MGMT: variants seen among roughly 807,000 people sequenced by gnomAD.
MGMT encodes the protein O-6-methylguanine-DNA methyltransferase, also known as methylated-DNA--protein-cysteine methyltransferase.
In MGMT, 14 loss-of-function variants were observed where a neutral mutation model predicts 15.9. The ratio of observed to expected loss-of-function variants is 0.88; its 90% CI spans 0.58 to 1.37. The LOEUF is 1.37. Ranked by LOEUF, MGMT falls within the 40% of genes most tolerant of loss-of-function variation. MGMT has a pLI of 0.00. For synonymous variants in MGMT, 130 were observed against 118.2 expected (o/e 1.10, Z -0.65); for missense variants, 282 against 268.1 (o/e 1.05, Z -0.36).
intron 2 of MGMT, among the ~76,000 whole-genome samples, chr10:129,704,869 G>A (rs1282612120): frequency 1.3e-5 from 2 of 152,256 alleles, no homozygotes; most frequent in East Asian, 3.9e-4. Context: ...GCACAGGACA[G>A]CGTGTGAGAC....
chr10:129,512,157 G>A (rs993098752), intron 1 of MGMT, among the ~76,000 whole-genome samples: 2 of 152,164 alleles, frequency 1.3e-5, no homozygotes, highest in African/African-American at 4.8e-5. Flanking sequence ...GGGTAGAGGC[G>A]GCGAGGTGTT....
In MGMT at chr10:129,536,357, C is replaced by T; in HGVS notation, c.105C>T (p.Gly35=). 6.2e-7 allele frequency: 1 copy of T among 1,613,536 alleles called. No homozygotes were observed. Among genetic ancestry groups the T allele is most frequent in the East Asian group, 2.2e-5 (1 of 44,872 alleles). The part of the protein sequence containing the change: ...EQGLHEIKLL[G]KGTSAADAVE... ...GTCTGCACGAAATAAAGCTCCTGGG[C>T]AAGGGGACGTCTGCAGCTGAGTAAG... The change falls in exon 2 of 5, where the codon GGC becomes GGT. Residue 35 remains glycine (G), a synonymous_variant. Transcript: ENST00000651593.
intron 1 of MGMT, among the ~76,000 whole-genome samples, chr10:129,526,516 C>T (rs1210371808): frequency 6.6e-6 from 1 of 152,138 alleles, no homozygotes; most frequent in African/African-American, 2.4e-5. Context: ...TGATTTCTCC[C>T]TTTTAACATG....
chr10:129,467,316 C>G lies in MGMT; in HGVS notation c.-13+20C>G, dbSNP rs1439037340. ...GACTTGGTGAGTGTCTGGGTCGCCTCGCTCCCGGAAGAGTGCGGAGCTCTC... is the reference window on the plus strand; with the variant it reads ...GACTTGGTGAGTGTCTGGGTCGCCTGGCTCCCGGAAGAGTGCGGAGCTCTC... On this transcript the variant is annotated intron_variant, in intron 1 of 4. Transcript: ENST00000651593. The G allele has an allele frequency of 1.3e-6, 2 of 1,534,864 alleles. No homozygotes were observed. Among genetic ancestry groups the G allele is most frequent in the Non-Finnish European group, 1.8e-6 (2 of 1,141,372 alleles).
At chr10:129,578,469 T>G in intron 2 of MGMT, among the ~76,000 whole-genome samples, 1 of 142,378 alleles carries the variant, frequency 7.0e-6, no homozygotes, top group African/African-American at 2.7e-5. Flanking sequence ...CACTCATAGG[T>G]GGGAATTGAA....
intron 2 of MGMT, among the ~76,000 whole-genome samples, chr10:129,587,884 G>A (rs1175832804): frequency 1.3e-5 from 2 of 151,824 alleles, no homozygotes; most frequent in Non-Finnish European, 2.9e-5. Flanking sequence ...ATTCTTTTAT[G>A]CTTTTCTTGT....
intron 1 of MGMT, among the ~76,000 whole-genome samples, chr10:129,477,809 A>G (rs527791151): frequency 6.6e-6 from 1 of 152,352 alleles, no homozygotes; most frequent in African/African-American, 2.4e-5. Flanking sequence ...ATTACAGACT[A>G]AAGTTGTTTC....
intron 2 of MGMT, among the ~76,000 whole-genome samples, chr10:129,641,406 A>C (rs574018075): frequency 6.6e-6 from 1 of 152,340 alleles, no homozygotes; most frequent in African/African-American, 2.4e-5. Flanking sequence ...AAATCACAGC[A>C]GGTCTTTTCC....
chr10:129,506,817 C>T (rs1845630585), intron 1 of MGMT, among the ~76,000 whole-genome samples: 1 of 152,050 alleles, frequency 6.6e-6, no homozygotes, highest in African/African-American at 2.4e-5. Context: ...AAACTCCTAA[C>T]CATTGTTCAA....
chr10:129,498,797 T>G (rs1472176128), intron 1 of MGMT, among the ~76,000 whole-genome samples: 5 of 152,180 alleles, frequency 3.3e-5, no homozygotes, highest in Non-Finnish European at 5.9e-5. Flanking sequence ...AGCTGGAGGA[T>G]GATGTTTAGC....
chr10:129,752,922 T>G (rs1848765117), intron 3 of MGMT, among the ~76,000 whole-genome samples: 1 of 152,192 alleles, frequency 6.6e-6, no homozygotes, highest in Non-Finnish European at 1.5e-5. Context: ...GTTCCAAGCT[T>G]CTTTAGAGTA....
At chr10:129,759,529 C>A (rs539682559) in intron 4 of MGMT, among the ~76,000 whole-genome samples, 188 bp downstream of exon 4, 100 of 152,278 alleles carry the variant, frequency 6.6e-4, no homozygotes, top group Non-Finnish European at 1.1e-3. Context: ...CCCAGCACTA[C>A]ACTCCTGGAA....
At chr10:129,765,564 G>A (rs11016916) in intron 4 of MGMT, among the ~76,000 whole-genome samples, 2 of 152,150 alleles carry the variant, frequency 1.3e-5, no homozygotes, top group Non-Finnish European at 2.9e-5. Context: ...TTGAAGGCAG[G>A]GGGTGGGGGG....
chr10:129,759,372 G>A (rs769978569), intron 4 of MGMT, 31 bp downstream of exon 4: 2 of 1,613,554 alleles, frequency 1.2e-6, no homozygotes, highest in East Asian at 4.5e-5. Flanking sequence ...CATGGCTGTG[G>A]GTGGCGGGTG....
chr10:129,535,421 G>T (rs1274594053), intron 1 of MGMT, among the ~76,000 whole-genome samples: 1 of 152,200 alleles, frequency 6.6e-6, no homozygotes, highest in East Asian at 1.9e-4. Context: ...AAATGTACAA[G>T]TGTAAAGGTA....
At chr10:129,473,443 G>T (rs142197283) in intron 1 of MGMT, among the ~76,000 whole-genome samples, 1 of 152,208 alleles carries the variant, frequency 6.6e-6, no homozygotes, top group Non-Finnish European at 1.5e-5. Flanking sequence ...AGGAGAAGGC[G>T]CTGTGAGTGT....
chr10:129,469,288 TTGTC>T (rs762632755), intron 1 of MGMT, among the ~76,000 whole-genome samples: 4 of 152,214 alleles, frequency 2.6e-5, no homozygotes, highest in African/African-American at 4.8e-5. Context: ...AGTTACTAAA[TTGTC>T]TGTTCTGTTT....
intron 2 of MGMT, among the ~76,000 whole-genome samples, chr10:129,548,727 C>T (rs1401611600): frequency 1.8e-4 from 28 of 152,106 alleles, no homozygotes; most frequent in Non-Finnish European, 1.8e-4. Flanking sequence ...GGCGTCAGTC[C>T]CACCTGCAGC....
At chr10:129,720,942 GAAA>G in intron 3 of MGMT, among the ~76,000 whole-genome samples, 1 of 144,234 alleles carries the variant, frequency 6.9e-6, no homozygotes, top group Non-Finnish European at 1.5e-5. Flanking sequence ...ATGTCAGGGG[GAAA>G]AAAAAAAAAG....
Sources: gnomAD v4.1 joint callset for allele counts (sites outside exome capture counted in the v4.1 genomes callset) on GRCh38, gnomAD v4.1.1 for gene constraint, MANE v1.5 for transcripts, NCBI Gene and HGNC (gene_info 2026-07-23, HGNC 2026-07-21) for gene names.